EBF3: variants seen among roughly 807,000 people sequenced by gnomAD.
EBF3 encodes EBF transcription factor 3.
A neutral mutation model predicts 77.1 loss-of-function variants in EBF3; 18 were observed. The observed-to-expected ratio is 0.23, with a 90% CI of 0.16 to 0.35. The LOEUF is 0.35. Ranked by LOEUF, EBF3 falls within the 10% of genes least tolerant of loss-of-function variation. The pLI, the probability that EBF3 is intolerant of heterozygous loss-of-function variation, is 1.00. For synonymous variants in EBF3, 350 were observed against 343.5 expected, an observed-to-expected ratio of 1.02 and a Z score of -0.21; for missense variants, 558 against 860.0, an observed-to-expected ratio of 0.65 and a Z score of 4.39.
chr10:129,913,458 C>T (rs1855660171), intron 6 of EBF3, among the ~76,000 whole-genome samples: 1 of 152,240 alleles, frequency 6.6e-6, no homozygotes, highest in Admixed American at 6.5e-5. Context: ...GATGAATAAA[C>T]ATGGATAGTT....
intron 6 of EBF3, among the ~76,000 whole-genome samples, chr10:129,916,306 G>A (rs569631852): frequency 3.7e-4 from 57 of 152,188 alleles, no homozygotes; most frequent in Non-Finnish European, 6.8e-4. Context: ...ACGGTTCCTC[G>A]TGAGCCTCAG....
chr10:129,873,419 G>C (rs763216617), intron 8 of EBF3, 33 bp downstream of exon 8: 1 of 1,478,414 alleles, frequency 6.8e-7, no homozygotes, highest in Admixed American at 2.4e-5. Context: ...AAGAAGCATC[G>C]CAAATAAAAA....
At chr10:129,850,924 A>C (rs187585333) in intron 10 of EBF3, among the ~76,000 whole-genome samples, 2 of 152,180 alleles carry the variant, frequency 1.3e-5, no homozygotes, top group African/African-American at 4.8e-5. Context: ...CCGGGGCCTC[A>C]CACACATCTC....
chr10:129,860,903 T>C (rs1369795261), intron 10 of EBF3, among the ~76,000 whole-genome samples: 2 of 152,198 alleles, frequency 1.3e-5, no homozygotes, highest in East Asian at 3.9e-4. Context: ...AATGTGCGAT[T>C]TCTGTATGAG....
At chr10:129,956,779 GA>G (rs1224897819) in intron 6 of EBF3, among the ~76,000 whole-genome samples, 18 of 152,070 alleles carry the variant, frequency 1.2e-4, no homozygotes, top group Admixed American at 1.2e-3. Flanking sequence ...GCTACAATTG[GA>G]AAAAAATTAG....
At position 129,837,719 on chromosome 10, in the gene EBF3, A is replaced by G; in HGVS notation, c.*224T>C. On this transcript the variant is annotated 3_prime_UTR_variant, in exon 17 of 17. Transcript: ENST00000440978. ...AAAATATGAGAAAAGTTCAGTCAAT[A>G]AAATGGAATTGTTCATGAAGAAGTA... The G allele has an allele frequency of 3.4e-6, 2 of 581,124 alleles. No homozygotes were observed. The highest frequency in any genetic ancestry group is 6.0e-6 in the Non-Finnish European group (2 of 332,274). 36.0% of individuals were successfully genotyped at this position (581,124 alleles called of 1,614,324 possible).
At chr10:129,910,401 C>T (rs2134289205) in intron 6 of EBF3, among the ~76,000 whole-genome samples, 1 of 152,050 alleles carries the variant, frequency 6.6e-6, no homozygotes, top group South Asian at 2.1e-4. Context: ...TATGTGTATG[C>T]ACACACACAC....
rs567920809 is a variant in EBF3, at chr10:129,861,587, T to C, written c.1039+5554A>G. 2.0e-5 allele frequency among the ~76,000 whole-genome samples: 3 copies of C among 152,140 alleles called. No homozygotes were observed. The South Asian group carries it at 6.3e-4, about 32-fold the overall frequency. ...GATCATGGGGGGGACACAGACATCC[T>C]TGGACACCATTGACTGGTAGGTTTG... On this transcript the variant is annotated intron_variant, in intron 10 of 16. Coordinates refer to ENST00000440978, the MANE Select transcript of EBF3 (RefSeq NM_001375380.1). This position sits in a 1 kb window ranked among gnomAD's most constrained non-coding sequence, Gnocchi z 4.3.
At chr10:129,920,790 T>G (rs748603825) in intron 6 of EBF3, among the ~76,000 whole-genome samples, 1 of 152,192 alleles carries the variant, frequency 6.6e-6, no homozygotes, top group Non-Finnish European at 1.5e-5. Context: ...TGAAGGACCA[T>G]GATGGCTGGT....
intron 6 of EBF3, among the ~76,000 whole-genome samples, chr10:129,924,592 C>A (rs1387134981): frequency 6.6e-6 from 1 of 152,110 alleles, no homozygotes; most frequent in African/African-American, 2.4e-5. Flanking sequence ...ATAGAACTAC[C>A]CTATGATTCA....
In EBF3 at chr10:129,938,239, T is replaced by C. The variant is rs907655901; in HGVS notation, c.554+19019A>G. ...GTTCTAGAACGGAAATTAGTGGGTTTTTTTAAAGTTCATGGCGGGGCCGGG... is the reference window on the plus strand; with the variant it reads ...GTTCTAGAACGGAAATTAGTGGGTTCTTTTAAAGTTCATGGCGGGGCCGGG... On this transcript the variant is annotated intron_variant, in intron 6 of 16. Coordinates refer to ENST00000440978, the MANE Select transcript of EBF3 (RefSeq NM_001375380.1). The surrounding 1 kb of genome is among the most constrained non-coding windows in gnomAD (Gnocchi z 5.1). 6.6e-6 allele frequency among the ~76,000 whole-genome samples: 1 copy of C among 152,108 alleles called. No homozygotes were observed. The highest frequency in any genetic ancestry group is 2.4e-5 in the African/African-American group (1 of 41,418).
rs1207334355 is a variant in EBF3, at chr10:129,836,885, A to AAAGT, written c.*1054_*1057dup. ...CTTAGCAACTGCAAGTGTTCATGGGAAAGTAAGTGTCAAATGAAGACCATT... is the reference window on the plus strand; with the variant it reads ...CTTAGCAACTGCAAGTGTTCATGGGAAAGTAAGTAAGTGTCAAATGAAGACCATT... On this transcript the variant is annotated 3_prime_UTR_variant, in exon 17 of 17. Coordinates refer to ENST00000440978, the MANE Select transcript of EBF3 (RefSeq NM_001375380.1). The AAAGT allele has an allele frequency of 6.5e-6, 1 of 152,704 alleles. No individual in the cohort carries two copies. The highest frequency in any genetic ancestry group is 1.5e-5 in the Non-Finnish European group (1 of 68,048). The allele number at this position is 152,704 out of a possible 1,614,324, so 9.5% of individuals were successfully genotyped here.
intron 6 of EBF3, among the ~76,000 whole-genome samples, chr10:129,921,770 G>A (rs1001409266): frequency 1.3e-5 from 2 of 152,166 alleles, no homozygotes; most frequent in African/African-American, 2.4e-5. Flanking sequence ...TTAAAGAACT[G>A]GGATGTGGCT....
chr10:129,927,890 G>A (rs72837166), intron 6 of EBF3, among the ~76,000 whole-genome samples: 3,542 of 152,210 alleles, frequency 0.023, 54 homozygotes, highest in Middle Eastern at 0.048. Context: ...TGGGGAGGTG[G>A]AGTCTCCACA....
In EBF3 at chr10:129,837,730, G is replaced by C. The variant is rs994524896; in HGVS notation, c.*213C>G. The C allele has an allele frequency of 5.1e-6, 3 of 589,084 alleles. No homozygotes were observed. The highest frequency in any genetic ancestry group is 8.9e-6 in the Non-Finnish European group (3 of 336,050). 36.5% of individuals were successfully genotyped at this position (589,084 alleles called of 1,614,324 possible). On this transcript the variant is annotated 3_prime_UTR_variant, in exon 17 of 17. Transcript: ENST00000440978. Reference sequence around the variant, plus strand: ...AAAGTTCAGTCAATAAAATGGAATTGTTCATGAAGAAGTAGGCTGTTTGCA... The same window carrying C: ...AAAGTTCAGTCAATAAAATGGAATTCTTCATGAAGAAGTAGGCTGTTTGCA...
At chr10:129,954,414 C>T (rs1449747366) in intron 6 of EBF3, among the ~76,000 whole-genome samples, 1 of 135,888 alleles carries the variant, frequency 7.4e-6, no homozygotes, top group Non-Finnish European at 1.6e-5. Flanking sequence ...GCCTCACTTC[C>T]CCCCCCCCTT....
At chr10:129,901,927 C>T (rs1270310755) in intron 6 of EBF3, among the ~76,000 whole-genome samples, 2 of 152,192 alleles carry the variant, frequency 1.3e-5, no homozygotes, top group Non-Finnish European at 2.9e-5. Context: ...CGGCGGAATC[C>T]GCAGCTTTCC....
chr10:129,926,219 C>T (rs1013999925), intron 6 of EBF3, among the ~76,000 whole-genome samples: 1 of 152,180 alleles, frequency 6.6e-6, no homozygotes, highest in Non-Finnish European at 1.5e-5. Flanking sequence ...CTGACGGGTG[C>T]CAGTCCCGTG....
Position 129,840,788 on chromosome 10 carries a change from G to A in EBF3, c.1561+56C>T, listed in dbSNP as rs555902420. The A allele has an allele frequency of 5.0e-5, 79 of 1,564,988 alleles. No individual in the cohort carries two copies. In the South Asian group the frequency reaches 7.6e-4, roughly 15 times the overall value. On this transcript the variant is annotated intron_variant, in intron 14 of 16. Transcript: ENST00000440978. ...GAACATCCAAGCAATGCACACACTC[G>A]ACTCGGTAGTGAATATGAATCTGCG...
Sources: gnomAD v4.1 joint callset for allele counts (sites outside exome capture counted in the v4.1 genomes callset) on GRCh38, gnomAD v4.1.1 for gene constraint, Gnocchi (gnomAD v3.1) non-coding constraint, MANE v1.5 for transcripts, NCBI Gene and HGNC (gene_info 2026-07-23, HGNC 2026-07-21) for gene names.